SLC14A2: variants seen among roughly 807,000 people sequenced by gnomAD.
The protein encoded by SLC14A2 is urea transporter 2.
In SLC14A2, 91 loss-of-function variants were observed where a neutral mutation model predicts 104.6. That is an observed-to-expected ratio of 0.87 (90% CI 0.73 to 1.04). SLC14A2 has a LOEUF of 1.04. SLC14A2 is among the 50% of genes least tolerant of loss of function. SLC14A2 has a pLI of 0.00. For missense variants in SLC14A2, 1,189 were observed against 1,156.0 expected, an observed-to-expected ratio of 1.03 and a Z score of -0.41; for synonymous variants, 476 against 466.4, an observed-to-expected ratio of 1.02 and a Z score of -0.27.
At chr18:45,246,558 A>G (rs186759713) in intron 1 of SLC14A2, among the ~76,000 whole-genome samples, 3 of 152,224 alleles carry the variant, frequency 2.0e-5, no homozygotes, top group African/African-American at 7.2e-5. Context: ...CAGAGTAGAA[A>G]TAACTTTTGT....
At position 45,589,142 on chromosome 18, in the gene SLC14A2, C is replaced by T. The variant is rs781578759; in HGVS notation, c.-34-35489C>T. On this transcript the variant is annotated intron_variant, in intron 2 of 20. Transcript: ENST00000586448. ...ATCATAACATTAAATTACAACTCGGCGGCCTCGGCCAGGACTGTGGAGTTC... is the reference window on the plus strand; with the variant it reads ...ATCATAACATTAAATTACAACTCGGTGGCCTCGGCCAGGACTGTGGAGTTC... Among the ~76,000 whole-genome samples the T allele has an allele frequency of 8.5e-5, 13 of 152,176 alleles. No homozygotes were observed. In the South Asian group the frequency reaches 1.5e-3, roughly 17 times the overall value.
At chr18:45,230,469 T>C (rs150405636) in intron 1 of SLC14A2, among the ~76,000 whole-genome samples, 41 of 152,324 alleles carry the variant, frequency 2.7e-4, no homozygotes, top group African/African-American at 8.9e-4. Flanking sequence ...TATTCTTCCA[T>C]TGTCATACCT....
intron 1 of SLC14A2, among the ~76,000 whole-genome samples, chr18:45,441,047 G>A (rs972565648): frequency 2.0e-5 from 3 of 152,122 alleles, no homozygotes; most frequent in Non-Finnish European, 4.4e-5. Flanking sequence ...CTCTGGAGCT[G>A]AACTGTGGAT....
chr18:45,377,263 A>G (rs1403623866), intron 1 of SLC14A2, among the ~76,000 whole-genome samples: 1 of 143,454 alleles, frequency 7.0e-6, no homozygotes. Context: ...TTTTTTTTTT[A>G]CTACCTTCTT....
chr18:45,202,101 A>G, the SLC14A2 span, among the ~76,000 whole-genome samples: 1 of 152,230 alleles, frequency 6.6e-6, no homozygotes. Context: ...AGCAGGTATT[A>G]ATAAGCTATT....
intron 10 of SLC14A2, among the ~76,000 whole-genome samples, chr18:45,662,871 C>G (rs8087798): frequency 6.6e-6 from 1 of 152,060 alleles, no homozygotes; most frequent in African/African-American, 2.4e-5. Flanking sequence ...TTTCCAATTA[C>G]GAGACCTGGG....
At chr18:45,338,712 A>AAAAAAAC (rs1568158107) in intron 1 of SLC14A2, among the ~76,000 whole-genome samples, 1 of 143,936 alleles carries the variant, frequency 6.9e-6, no homozygotes, top group African/African-American at 2.7e-5. Flanking sequence ...AAAAAAAAAA[A>AAAAAAAC]CTCTTTATTT....
the SLC14A2 span, among the ~76,000 whole-genome samples, chr18:45,189,535 G>A: frequency 6.6e-6 from 1 of 152,192 alleles, no homozygotes; most frequent in Non-Finnish European, 1.5e-5. Context: ...GTATGAAAAA[G>A]TAGAGTAGAA....
chr18:45,625,438 T>C (rs1432656280), intron 2 of SLC14A2, among the ~76,000 whole-genome samples: 1 of 152,210 alleles, frequency 6.6e-6, no homozygotes, highest in African/African-American at 2.4e-5. Flanking sequence ...TGGGCTTCAT[T>C]AAACTGCCAA....
intron 1 of SLC14A2, among the ~76,000 whole-genome samples, chr18:45,466,930 C>A (rs903790622): frequency 6.6e-6 from 1 of 151,848 alleles, no homozygotes; most frequent in East Asian, 1.9e-4. Flanking sequence ...GGTAGAGAAC[C>A]CTTCTCCCGC....
Position 45,556,808 on chromosome 18 carries a change from G to A in SLC14A2, c.-34-67823G>A, listed in dbSNP as rs148812851. On this transcript the variant is annotated intron_variant, in intron 2 of 20. Coordinates refer to the SLC14A2 transcript ENST00000586448. ...CCTGCCAAAAATGATGTAGGCAGTCGATTCCAATATGGAGCTCCCATAGGG... is the reference window on the plus strand; with the variant it reads ...CCTGCCAAAAATGATGTAGGCAGTCAATTCCAATATGGAGCTCCCATAGGG... Among the ~76,000 whole-genome samples the A allele has an allele frequency of 2.2e-3, 337 of 152,260 alleles. 8 individuals are homozygous for A. The East Asian group carries it at 0.033, about 15-fold the overall frequency.
chr18:45,579,177 A>T (rs1323768057), intron 2 of SLC14A2, among the ~76,000 whole-genome samples: 1 of 152,242 alleles, frequency 6.6e-6, no homozygotes, highest in Non-Finnish European at 1.5e-5. Flanking sequence ...GCAAATCACA[A>T]GGTCAGCCCA....
chr18:45,390,709 G>A (rs909336363), intron 1 of SLC14A2, among the ~76,000 whole-genome samples: 1 of 152,080 alleles, frequency 6.6e-6, no homozygotes, highest in Non-Finnish European at 1.5e-5. Flanking sequence ...AAATCTAAAG[G>A]GAATGATCAC....
intron 1 of SLC14A2, among the ~76,000 whole-genome samples, chr18:45,408,541 T>C (rs759275992): frequency 3.3e-5 from 5 of 152,160 alleles, no homozygotes; most frequent in Non-Finnish European, 7.4e-5. Context: ...CAGCCTGGGA[T>C]CTCCAAGAGT....
chr18:45,420,548 T>C (rs564005321), intron 1 of SLC14A2, among the ~76,000 whole-genome samples: 2 of 152,282 alleles, frequency 1.3e-5, no homozygotes, highest in African/African-American at 4.8e-5. Flanking sequence ...TACTACCCTG[T>C]TTCTGCCCCC....
At chr18:45,334,856 G>A (rs1036798249) in intron 1 of SLC14A2, among the ~76,000 whole-genome samples, 2 of 152,110 alleles carry the variant, frequency 1.3e-5, no homozygotes, top group African/African-American at 4.8e-5. Flanking sequence ...GCCCCCCAAC[G>A]CCTGCTGGCG....
At chr18:45,272,381 AC>A (rs1037698466) in intron 1 of SLC14A2, among the ~76,000 whole-genome samples, 4 of 152,140 alleles carry the variant, frequency 2.6e-5, no homozygotes, top group Non-Finnish European at 5.9e-5. Context: ...AAAATATGGT[AC>A]ATCAACATGG....
chr18:45,529,139 C>T (rs1182172966), intron 2 of SLC14A2: 1 of 152,192 alleles, frequency 6.6e-6, no homozygotes, highest in Non-Finnish European at 1.5e-5. Flanking sequence ...TGCTGACTTG[C>T]AGAATCATGA....
chr18:45,624,691 C>T lies in SLC14A2; in HGVS notation c.27C>T (p.Leu9=). 1 of 1,613,176 alleles carries T rather than the reference C, an allele frequency of 6.2e-7. No homozygotes were observed. Among genetic ancestry groups the T allele is most frequent in the Non-Finnish European group, 8.5e-7 (1 of 1,179,614 alleles). Residue 9 remains leucine, a synonymous_variant, in exon 2 of 20, where the codon CTC becomes CTT. Coordinates refer to ENST00000255226, the MANE Select transcript of SLC14A2 (RefSeq NM_007163.4). ...TGTCTGACCCCCACAGCAGTCCTCT[C>T]CTGCCAGAGCCACTTTCCAGCAGAT... The part of the protein sequence containing the change: MSDPHSSP[L]LPEPLSSRYK...
Sources: allele counts gnomAD v4.1 joint callset (sites outside exome capture counted in the v4.1 genomes callset), GRCh38; gene constraint gnomAD v4.1.1; transcripts MANE v1.5; gene names NCBI Gene and HGNC (gene_info 2026-07-23, HGNC 2026-07-21).